The following CNTNAP2 variants were observed in gnomAD, a reference collection of about 807,000 sequenced individuals.
CNTNAP2 encodes the protein contactin-associated protein-like 2.
CNTNAP2 carries 98 observed loss-of-function variants against 155.2 expected under a neutral mutation model. The ratio of observed to expected loss-of-function variants is 0.63; its 90% CI spans 0.54 to 0.75. CNTNAP2 has a LOEUF of 0.75. Among genes scored for constraint, CNTNAP2 ranks in the 30% least tolerant of loss-of-function variants. The pLI is 0.00. For missense variants in CNTNAP2, 1,727 were observed against 1,688.1 expected, an observed-to-expected ratio of 1.02 and a Z score of -0.40; for synonymous variants, 651 against 631.2, an observed-to-expected ratio of 1.03 and a Z score of -0.47.
intron 8 of CNTNAP2, among the ~76,000 whole-genome samples, chr7:147,279,898 G>A (rs1052923709): frequency 1.3e-5 from 2 of 151,848 alleles, no homozygotes; most frequent in African/African-American, 4.8e-5. Flanking sequence ...TTTACACGGT[G>A]GTAGACAGAG....
chr7:147,713,970 TA>T, intron 13 of CNTNAP2, among the ~76,000 whole-genome samples: 1 of 152,294 alleles, frequency 6.6e-6, no homozygotes, highest in African/African-American at 2.4e-5. Context: ...TGCAGATTGT[TA>T]AATTGCAGAT....
chr7:148,328,230 G>A (rs1235054731), intron 21 of CNTNAP2, among the ~76,000 whole-genome samples: 3 of 152,180 alleles, frequency 2.0e-5, no homozygotes, highest in African/African-American at 4.8e-5. Context: ...GTGGAGAGAG[G>A]GGAAGGCTGG....
At chr7:146,962,610 G>A (rs1459340069) in intron 3 of CNTNAP2, among the ~76,000 whole-genome samples, 1 of 152,174 alleles carries the variant, frequency 6.6e-6, no homozygotes, top group African/African-American at 2.4e-5. Flanking sequence ...GAGTGCAGTG[G>A]CACGATCTTG....
chr7:147,139,294 A>G (rs968324673), intron 8 of CNTNAP2, among the ~76,000 whole-genome samples: 5 of 152,112 alleles, frequency 3.3e-5, no homozygotes, highest in African/African-American at 1.2e-4. Context: ...TAGTGGATAA[A>G]TGAGTAATTG....
At chr7:147,965,160 C>G (rs548246780) in intron 14 of CNTNAP2, among the ~76,000 whole-genome samples, 1 of 152,276 alleles carries the variant, frequency 6.6e-6, no homozygotes, top group African/African-American at 2.4e-5. Flanking sequence ...CAGCAATGGT[C>G]AGTCAGAATG....
chr7:146,480,939 C>T (rs575487758), intron 1 of CNTNAP2, among the ~76,000 whole-genome samples: 1 of 152,086 alleles, frequency 6.6e-6, no homozygotes, highest in African/African-American at 2.4e-5. Context: ...CTCGGCCTCC[C>T]AAAGTGCTGG....
intron 3 of CNTNAP2, among the ~76,000 whole-genome samples, chr7:146,883,246 A>G (rs77099534): frequency 0.011 from 1,608 of 152,252 alleles, 29 homozygotes; most frequent in African/African-American, 0.036. Flanking sequence ...ATTATTCTTT[A>G]CAATGTTATT....
intron 13 of CNTNAP2, among the ~76,000 whole-genome samples, chr7:147,891,198 A>G (rs1799685412): frequency 7.1e-6 from 1 of 141,016 alleles, no homozygotes; most frequent in Admixed American, 7.3e-5. Context: ...GGTAAAAATC[A>G]ACAAATAGAT....
At chr7:147,785,658 A>G (rs1383320509) in intron 13 of CNTNAP2, among the ~76,000 whole-genome samples, 1 of 152,190 alleles carries the variant, frequency 6.6e-6, no homozygotes, top group Non-Finnish European at 1.5e-5. Context: ...ACAGATGAAG[A>G]TGGATTAAGC....
rs1798845106 is a variant in CNTNAP2, at chr7:146,200,562, C to A, written c.97+83589C>A. ...CACACATATATATACTGTGTTTTTA[C>A]TATGCTTTCCTTTGTTTCTATGTTT... On this transcript the variant is annotated intron_variant, in intron 1 of 23. Coordinates refer to ENST00000361727, the MANE Select transcript of CNTNAP2 (RefSeq NM_014141.6). Among the ~76,000 whole-genome samples the A allele has an allele frequency of 2.0e-5, 3 of 151,608 alleles. No homozygotes were observed. In the South Asian group the frequency reaches 6.3e-4, roughly 32 times the overall value.
chr7:147,920,852 T>C (rs551286908), intron 14 of CNTNAP2, among the ~76,000 whole-genome samples: 20 of 136,710 alleles, frequency 1.5e-4, no homozygotes, highest in South Asian at 5.2e-4. Context: ...CTCTGTCACC[T>C]AGGCTGGAGT....
chr7:148,410,721 G>A (rs998415744), intron 23 of CNTNAP2, among the ~76,000 whole-genome samples: 1 of 152,014 alleles, frequency 6.6e-6, no homozygotes, highest in Admixed American at 6.5e-5. Context: ...CTGATACACA[G>A]GAGCTAAAAG....
chr7:146,515,004 T>C (rs1797520164), intron 1 of CNTNAP2, among the ~76,000 whole-genome samples: 1 of 152,020 alleles, frequency 6.6e-6, no homozygotes, highest in South Asian at 2.1e-4. Context: ...ATGGGATGGG[T>C]TTCCCAAATG....
intron 12 of CNTNAP2, among the ~76,000 whole-genome samples, chr7:147,603,424 A>G (rs1453091680): frequency 6.6e-6 from 1 of 152,160 alleles, no homozygotes; most frequent in Non-Finnish European, 1.5e-5. Flanking sequence ...TTATACACCA[A>G]TAACAGACAA....
chr7:148,399,453 T>C (rs1799538723), intron 22 of CNTNAP2, among the ~76,000 whole-genome samples: 1 of 152,192 alleles, frequency 6.6e-6, no homozygotes, highest in South Asian at 2.1e-4. Context: ...TTCTCTCTCA[T>C]ATATGCCTTT....
intron 13 of CNTNAP2, among the ~76,000 whole-genome samples, chr7:147,663,029 C>T (rs548392777): frequency 7.9e-5 from 12 of 152,136 alleles, no homozygotes; most frequent in African/African-American, 1.7e-4. Flanking sequence ...GACCGAGTCT[C>T]GCTCTGTCGC....
chr7:147,621,963 C>CA (rs1016939222), intron 12 of CNTNAP2, among the ~76,000 whole-genome samples: 1 of 151,074 alleles, frequency 6.6e-6, no homozygotes, highest in Non-Finnish European at 1.5e-5. Flanking sequence ...AAATAGAAAC[C>CA]AAAAAAAGAA....
rs763686158 is a variant in CNTNAP2, at chr7:146,458,180, CTAA to C, written c.98-316089_98-316087del. 9.9e-5 allele frequency among the ~76,000 whole-genome samples: 15 copies of C among 152,192 alleles called. No individual in the cohort carries two copies. In the South Asian group the frequency reaches 2.9e-3, roughly 29 times the overall value. On this transcript the variant is annotated intron_variant, in intron 1 of 23. Coordinates refer to ENST00000361727, the MANE Select transcript of CNTNAP2 (RefSeq NM_014141.6). ...GGAGGGAGAGCATCAGGAAGAATAG[CTAA>C]TGGATGCTGGGCTTAATACCTAGGT... is the stretch of plus-strand genomic sequence containing the variant.
intron 3 of CNTNAP2, among the ~76,000 whole-genome samples, chr7:146,928,646 G>A (rs981776612): frequency 6.6e-5 from 10 of 152,302 alleles, no homozygotes; most frequent in African/African-American, 1.2e-4. Context: ...TGCCTCACTC[G>A]GGAAGCACAA....
Sources: gnomAD v4.1 joint callset for allele counts (sites outside exome capture counted in the v4.1 genomes callset) on GRCh38, gnomAD v4.1.1 for gene constraint, MANE v1.5 for transcripts, NCBI Gene and HGNC (gene_info 2026-07-23, HGNC 2026-07-21) for gene names.